The following SIM1 variants were observed in gnomAD, a reference collection of about 807,000 sequenced individuals.
The protein encoded by SIM1 is single-minded homolog 1.
In SIM1, 18 loss-of-function variants were observed where a neutral mutation model predicts 78.2. The observed-to-expected ratio is 0.23, with a 90% CI of 0.16 to 0.34. The LOEUF is 0.34. Among genes scored for constraint, SIM1 ranks in the 10% least tolerant of loss-of-function variants. SIM1 has a pLI of 1.00. For missense variants in SIM1, 939 were observed against 975.1 expected, an observed-to-expected ratio of 0.96 and a Z score of 0.49; for synonymous variants, 417 against 385.2, an observed-to-expected ratio of 1.08 and a Z score of -0.97.
At chr6:100,403,002 T>G (rs189794091) in intron 10 of SIM1, among the ~76,000 whole-genome samples, 123 of 152,344 alleles carry the variant, frequency 8.1e-4, no homozygotes, top group Admixed American at 1.2e-3. Context: ...TATTCCTTTA[T>G]TTTCATTAGA....
At chr6:100,413,769 T>G (rs1286877262) in intron 10 of SIM1, among the ~76,000 whole-genome samples, 1 of 152,216 alleles carries the variant, frequency 6.6e-6, no homozygotes, top group Non-Finnish European at 1.5e-5. Flanking sequence ...AATATCTATT[T>G]TATACTGTTG....
At chr6:100,454,258 C>G (rs771835185) in intron 2 of SIM1, among the ~76,000 whole-genome samples, 1 of 152,184 alleles carries the variant, frequency 6.6e-6, no homozygotes, top group Non-Finnish European at 1.5e-5. Flanking sequence ...TAACACCAAG[C>G]GAAAGCCACT....
intron 10 of SIM1, among the ~76,000 whole-genome samples, chr6:100,402,363 C>T (rs1770935771): frequency 6.6e-6 from 1 of 151,884 alleles, no homozygotes; most frequent in Non-Finnish European, 1.5e-5. Context: ...AATAGTAGGG[C>T]CTTTTCTTCC....
chr6:100,423,690 T>A (rs963882117), intron 9 of SIM1, among the ~76,000 whole-genome samples: 7 of 152,214 alleles, frequency 4.6e-5, no homozygotes, highest in Non-Finnish European at 7.3e-5. Context: ...TTTTCCCCAG[T>A]GACCACTAAT....
intron 10 of SIM1, among the ~76,000 whole-genome samples, chr6:100,412,610 A>G (rs1771239763): frequency 1.0e-5 from 1 of 96,266 alleles, no homozygotes; most frequent in Admixed American, 1.1e-4. Context: ...AAAGAAAGAA[A>G]GGAAAGAAAG....
intron 9 of SIM1, among the ~76,000 whole-genome samples, chr6:100,445,719 C>T (rs1772335807): frequency 6.6e-6 from 1 of 152,144 alleles, no homozygotes; most frequent in African/African-American, 2.4e-5. Context: ...CAGGCACCCA[C>T]CAGAGAACAG....
chr6:100,435,225 A>G (rs1194412524), intron 9 of SIM1, among the ~76,000 whole-genome samples: 1 of 152,206 alleles, frequency 6.6e-6, no homozygotes, highest in African/African-American at 2.4e-5. Flanking sequence ...ACCATGCAAA[A>G]TATTGGCAAA....
intron 9 of SIM1, among the ~76,000 whole-genome samples, chr6:100,443,835 G>A (rs993394355): frequency 1.3e-5 from 2 of 152,130 alleles, no homozygotes; most frequent in Non-Finnish European, 2.9e-5. Flanking sequence ...TATAGGTAGA[G>A]AGAGATATAA....
At chr6:100,453,644 T>C (rs1398212857) in intron 3 of SIM1, 118 bp downstream of exon 3, 2 of 682,792 alleles carry the variant, frequency 2.9e-6, no homozygotes, top group Non-Finnish European at 4.8e-6. Flanking sequence ...CCTGTTTTTG[T>C]GGGGGGGGTT....
chr6:100,413,679 C>T (rs191025481), intron 10 of SIM1, among the ~76,000 whole-genome samples: 267 of 152,086 alleles, frequency 1.8e-3, no homozygotes, highest in African/African-American at 6.0e-3. Context: ...AATATTATAC[C>T]TAAGATACCC....
intron 8 of SIM1, among the ~76,000 whole-genome samples, chr6:100,447,642 T>C (rs1326039979): frequency 6.6e-6 from 1 of 152,230 alleles, no homozygotes; most frequent in Non-Finnish European, 1.5e-5. Flanking sequence ...GGTGGCCAGA[T>C]GTCTTCACCA....
chr6:100,447,137 C>G (rs1293029185), intron 9 of SIM1, 131 bp downstream of exon 9: 47 of 965,264 alleles, frequency 4.9e-5, no homozygotes, highest in Non-Finnish European at 7.0e-5. Context: ...CTTGGCGCAG[C>G]CAGCACTCGA....
At chr6:100,422,024 G>A (rs572166160) in intron 9 of SIM1, among the ~76,000 whole-genome samples, 8 of 152,218 alleles carry the variant, frequency 5.3e-5, no homozygotes, top group Admixed American at 2.0e-4. Context: ...CCCTGAGTCT[G>A]ATTTATAATC....
intron 10 of SIM1, among the ~76,000 whole-genome samples, chr6:100,414,399 A>C (rs1771347114): frequency 6.6e-6 from 1 of 152,240 alleles, no homozygotes; most frequent in Admixed American, 6.5e-5. Flanking sequence ...AGTTAGTAAA[A>C]ACCAAACTAC....
intron 10 of SIM1, among the ~76,000 whole-genome samples, chr6:100,412,621 A>AG (rs1771244432): frequency 1.0e-5 from 1 of 96,630 alleles, no homozygotes; most frequent in African/African-American, 3.5e-5. Flanking sequence ...GGAAAGAAAG[A>AG]AGGAAAGAAA....
intron 2 of SIM1, 69 bp from the exon 3 acceptor site, chr6:100,453,913 C>G (rs186554678): frequency 8.2e-7 from 1 of 1,215,038 alleles, no homozygotes; most frequent in Admixed American, 2.0e-5. Context: ...GACCAAGTCC[C>G]GCGACTGTAT....
In SIM1 at chr6:100,399,770, C is replaced by T. The variant is rs1770861125; in HGVS notation, c.1168-5881G>A. Among the ~76,000 whole-genome samples, 3 of 152,158 alleles carry T rather than the reference C, an allele frequency of 2.0e-5. No individual in the cohort carries two copies. The South Asian group carries it at 6.2e-4, about 32-fold the overall frequency. On this transcript the variant is annotated intron_variant, in intron 10 of 11. Transcript: ENST00000369208. ...AGCATTGAGTCAAACATATCAACCC[C>T]ATCCATAAATGTGAATTGGCTTAAA...
At chr6:100,417,582 A>T (rs751410265) in intron 10 of SIM1, among the ~76,000 whole-genome samples, 38 of 152,286 alleles carry the variant, frequency 2.5e-4, no homozygotes, top group South Asian at 1.0e-3. Flanking sequence ...AAGCTAATTT[A>T]AAAAAAATTT....
chr6:100,399,356 T>C (rs1225254798), intron 10 of SIM1, among the ~76,000 whole-genome samples: 1 of 152,106 alleles, frequency 6.6e-6, no homozygotes, highest in Non-Finnish European at 1.5e-5. Context: ...CAAAAGGCTA[T>C]ATGATTCCAT....
Sources: allele counts gnomAD v4.1 joint callset (sites outside exome capture counted in the v4.1 genomes callset), GRCh38; gene constraint gnomAD v4.1.1; transcripts MANE v1.5; gene names NCBI Gene and HGNC (gene_info 2026-07-23, HGNC 2026-07-21).